The following COG3 variants were observed in gnomAD, a reference collection of about 807,000 sequenced individuals.
COG3 encodes the protein component of oligomeric golgi complex 3.
Under a neutral mutation model 114.1 loss-of-function variants are expected in COG3, and 32 were observed. The observed-to-expected ratio is 0.28, with a 90% CI of 0.21 to 0.38. The LOEUF (loss-of-function observed/expected upper bound fraction) is 0.38. Among genes scored for constraint, COG3 ranks in the 10% least tolerant of loss-of-function variants. The probability of loss-of-function intolerance (pLI) is 1.00; values close to 1 mark genes in which losing one functional copy is unlikely to be tolerated. For missense variants in COG3, 813 were observed against 973.2 expected (o/e 0.84, Z 2.19); for synonymous variants, 352 against 365.7 (o/e 0.96, Z 0.43).
At chr13:45,505,580 C>T (rs1870046783) in intron 14 of COG3, among the ~76,000 whole-genome samples, 2 of 151,694 alleles carry the variant, frequency 1.3e-5, no homozygotes, top group African/African-American at 2.4e-5. Context: ...GCTGGGATTA[C>T]AGGCGTGAGC....
intron 19 of COG3, among the ~76,000 whole-genome samples, chr13:45,519,364 A>G (rs563286289): frequency 2.6e-4 from 40 of 152,324 alleles, no homozygotes; most frequent in African/African-American, 9.1e-4. Flanking sequence ...TGTTCTGTTT[A>G]TCCGCCTTGT....
chr13:45,503,037 A>G (rs1271884046), intron 13 of COG3, among the ~76,000 whole-genome samples: 1 of 152,228 alleles, frequency 6.6e-6, no homozygotes, highest in Non-Finnish European at 1.5e-5. Context: ...TGTAGCTATT[A>G]TCACATAAAG....
intron 2 of COG3, among the ~76,000 whole-genome samples, chr13:45,477,548 C>G (rs957351061): frequency 2.0e-5 from 3 of 152,136 alleles, no homozygotes; most frequent in African/African-American, 4.8e-5. Context: ...AAGGTCAACT[C>G]CCCGCATCCC....
At chr13:45,468,333 C>G (rs1352797138) in intron 1 of COG3, among the ~76,000 whole-genome samples, 1 of 152,060 alleles carries the variant, frequency 6.6e-6, no homozygotes, top group Non-Finnish European at 1.5e-5. Context: ...GCAAGGTGCA[C>G]GTGGCAAGTT....
intron 14 of COG3, among the ~76,000 whole-genome samples, chr13:45,509,206 AT>A (rs1263451409): frequency 2.0e-5 from 3 of 151,930 alleles, no homozygotes; most frequent in Non-Finnish European, 1.5e-5. Flanking sequence ...CGCCTGACTA[AT>A]TTTTGTATTT....
chr13:45,493,316 A>G (rs1478174205), intron 11 of COG3, 31 bp from the exon 12 acceptor site: 27 of 1,567,400 alleles, frequency 1.7e-5, no homozygotes, highest in Non-Finnish European at 2.3e-5. Context: ...AAAAACTACT[A>G]CTAATAGACA....
At chr13:45,510,442 G>A (rs1265121715) in intron 15 of COG3, among the ~76,000 whole-genome samples, 2 of 152,206 alleles carry the variant, frequency 1.3e-5, no homozygotes, top group African/African-American at 4.8e-5. Flanking sequence ...CTTCCAGAGA[G>A]AGGTTTGGAT....
At chr13:45,492,299 AT>A in intron 11 of COG3, 49 bp downstream of exon 11, 2 of 1,008,208 alleles carry the variant, frequency 2.0e-6, no homozygotes, top group Non-Finnish European at 3.1e-6. Flanking sequence ...TAACTTGCTA[AT>A]GACCATAATG....
At chr13:45,505,506 T>C (rs1295221330) in intron 14 of COG3, among the ~76,000 whole-genome samples, 1 of 152,074 alleles carries the variant, frequency 6.6e-6, no homozygotes, top group Non-Finnish European at 1.5e-5. Flanking sequence ...TTTCACTATA[T>C]GTTGGCCAGG....
chr13:45,496,149 C>T lies in COG3; in HGVS notation c.1328-3C>T, dbSNP rs772328465. 6.2e-7 allele frequency: 1 copy of T among 1,602,838 alleles called. No individual in the cohort carries two copies. Among genetic ancestry groups the T allele is most frequent in the Non-Finnish European group, 8.5e-7 (1 of 1,174,212 alleles). ...AGAATGGATGATTGCACTTTTTTAT[C>T]AGCTGAGCAACTGGGGGCATTTGCA... On this transcript the variant is annotated splice_polypyrimidine_tract_variant and splice_region_variant and intron_variant, in intron 12 of 22. Transcript: ENST00000349995.
rs1349592234 is a variant in COG3, at chr13:45,534,928, A to C, written c.*197A>C. The stretch of plus-strand genomic sequence containing the variant: ...AGTGTTTTCTTTTCTAAAACATCAA[A>C]ATGCCAAAGATTAATCTGTGATTGG... On this transcript the variant is annotated 3_prime_UTR_variant, in exon 23 of 23. Coordinates refer to ENST00000349995, the MANE Select transcript of COG3 (RefSeq NM_031431.4). 1 of 1,259,790 alleles carries C rather than the reference A, an allele frequency of 7.9e-7. No homozygotes were observed. The highest frequency in any genetic ancestry group is 1.5e-5 in the African/African-American group (1 of 64,632). 78.0% of individuals were successfully genotyped at this position (1,259,790 alleles called of 1,614,324 possible).
chr13:45,466,416 CCAACTT>C (rs1369913363), intron 1 of COG3: 3 of 152,146 alleles, frequency 2.0e-5, no homozygotes, highest in African/African-American at 7.2e-5. Flanking sequence ...TTTCTGTCCT[CCAACTT>C]TAGAGATTTG....
chr13:45,520,290 AAAAAATAAAAAT>A (rs1555299492), intron 19 of COG3, among the ~76,000 whole-genome samples: 1 of 130,426 alleles, frequency 7.7e-6, no homozygotes, highest in South Asian at 2.6e-4. Flanking sequence ...TGTCTCAAAA[AAAAAATAAAAAT>A]AAAAATAAAA....
At chr13:45,480,418 C>T in intron 4 of COG3, 128 bp downstream of exon 4, 1 of 630,024 alleles carries the variant, frequency 1.6e-6, no homozygotes, top group Non-Finnish European at 2.6e-6. Flanking sequence ...GCCCTGTGCT[C>T]AGCATGCAGA....
intron 15 of COG3, among the ~76,000 whole-genome samples, chr13:45,510,383 C>A (rs935234145): frequency 6.6e-6 from 1 of 152,198 alleles, no homozygotes; most frequent in Non-Finnish European, 1.5e-5. Flanking sequence ...GCCCAGATCA[C>A]CTCTACAGAC....
chr13:45,482,265 T>G (rs1171959171), intron 5 of COG3, 116 bp from the exon 6 acceptor site: 2 of 516,752 alleles, frequency 3.9e-6, no homozygotes, highest in Non-Finnish European at 6.7e-6. Context: ...CTTTTAAAAT[T>G]TATTATAAAG....
Position 45,482,463 on chromosome 13 carries a change from T to C in COG3, c.707T>C (p.Ile236Thr). Residue 236 changes from isoleucine (I) to threonine (T), a missense_variant, in exon 6 of 23, where the codon ATC becomes ACC. Coordinates refer to ENST00000349995, the MANE Select transcript of COG3 (RefSeq NM_031431.4). The part of the protein sequence containing the change: ...LAKLDDCITY[I>T]SSHPNFKDYP... Reference sequence around the variant, plus strand: ...AAGTTAGATGATTGTATAACATATATCTCATCTCATGTAAGTCAGAGTATT... The same window carrying C: ...AAGTTAGATGATTGTATAACATATACCTCATCTCATGTAAGTCAGAGTATT... 2 of 1,455,286 alleles carry C rather than the reference T, an allele frequency of 1.4e-6. No homozygotes were observed. The highest frequency in any genetic ancestry group is 1.9e-6 in the Non-Finnish European group (2 of 1,046,758). The allele number at this position is 1,455,286 out of a possible 1,614,324, so 90.1% of individuals were successfully genotyped here. A position where few individuals can be genotyped will look rare whatever the true frequency, so the allele number is the denominator to read the frequency against.
chr13:45,505,338 G>T (rs2137866352), intron 14 of COG3, among the ~76,000 whole-genome samples: 1 of 140,906 alleles, frequency 7.1e-6, no homozygotes, highest in Admixed American at 7.4e-5. Flanking sequence ...GTCTCACTCT[G>T]TTGCCCAGGC....
At chr13:45,529,721 C>T in intron 20 of COG3, 70 bp from the exon 21 acceptor site, 2 of 1,172,818 alleles carry the variant, frequency 1.7e-6, no homozygotes, top group Non-Finnish European at 2.4e-6. Context: ...CCTTTATTCC[C>T]CTTTGAATTA....
Sources: allele counts gnomAD v4.1 joint callset (sites outside exome capture counted in the v4.1 genomes callset), GRCh38; gene constraint gnomAD v4.1.1; transcripts MANE v1.5; gene names NCBI Gene and HGNC (gene_info 2026-07-23, HGNC 2026-07-21).